The following HIVEP3 variants were observed in gnomAD, a reference collection of about 807,000 sequenced individuals.
HIVEP3 encodes the protein transcription factor HIVEP3.
Under a neutral mutation model 152.8 loss-of-function variants are expected in HIVEP3, and 49 were observed. The observed-to-expected ratio is 0.32, with a 90% CI of 0.26 to 0.41. The LOEUF (loss-of-function observed/expected upper bound fraction) is 0.41. Among genes scored for constraint, HIVEP3 ranks in the 10% least tolerant of loss-of-function variants. The probability of loss-of-function intolerance (pLI) is 1.00; values close to 1 mark genes in which losing one functional copy is unlikely to be tolerated. For synonymous variants in HIVEP3, 1,269 were observed against 1,289.0 expected, an observed-to-expected ratio of 0.98 and a Z score of 0.33; for missense variants, 2,790 against 3,103.3, an observed-to-expected ratio of 0.90 and a Z score of 2.40.
chr1:41,591,858 ACT>A (rs1339985861), intron 3 of HIVEP3, among the ~76,000 whole-genome samples: 1 of 152,082 alleles, frequency 6.6e-6, no homozygotes, highest in Admixed American at 6.5e-5. Context: ...TCTGGGAGAC[ACT>A]GACTCCCAGA....
At chr1:41,722,530 C>T (rs1286293880) in intron 1 of HIVEP3, among the ~76,000 whole-genome samples, 1 of 131,990 alleles carries the variant, frequency 7.6e-6, no homozygotes, top group Non-Finnish European at 1.6e-5. Context: ...CCTCCCTTCT[C>T]TCCCTCCCTC....
intron 2 of HIVEP3, among the ~76,000 whole-genome samples, chr1:41,683,201 CAAG>C (rs1478611524): frequency 6.6e-6 from 1 of 152,222 alleles, no homozygotes; most frequent in Admixed American, 6.5e-5. Flanking sequence ...AAGGCCACAT[CAAG>C]AAGGACTTGA....
At chr1:41,861,921 C>A (rs562464358) in intron 1 of HIVEP3, among the ~76,000 whole-genome samples, 2 of 151,682 alleles carry the variant, frequency 1.3e-5, no homozygotes, top group African/African-American at 4.9e-5. Flanking sequence ...GTGTTGGCAA[C>A]GGGAGAGAAA....
At chr1:41,707,988 G>A (rs561599862) in intron 1 of HIVEP3, among the ~76,000 whole-genome samples, 21 of 152,196 alleles carry the variant, frequency 1.4e-4, no homozygotes, top group Non-Finnish European at 2.5e-4. Context: ...GGGATGTTCC[G>A]GGGCTGACAC....
At chr1:41,563,751 C>G (rs1484644660) in intron 5 of HIVEP3, among the ~76,000 whole-genome samples, 1 of 151,888 alleles carries the variant, frequency 6.6e-6, no homozygotes, top group Non-Finnish European at 1.5e-5. Context: ...ACAGAAACCA[C>G]GCAGGAAAAA....
chr1:42,035,682 C>T (rs1645638873), intron 1 of HIVEP3: 2 of 151,924 alleles, frequency 1.3e-5, no homozygotes, highest in South Asian at 4.1e-4. Flanking sequence ...TCGTCCCGCC[C>T]CCCGGGACCG....
At chr1:41,967,718 G>C (rs892019953) in intron 1 of HIVEP3, among the ~76,000 whole-genome samples, 5 of 152,038 alleles carry the variant, frequency 3.3e-5, no homozygotes, top group African/African-American at 9.7e-5. Flanking sequence ...GAAGGAGATA[G>C]AGACACACAA....
chr1:41,739,088 A>G (rs1269126290), intron 1 of HIVEP3, among the ~76,000 whole-genome samples: 1 of 152,230 alleles, frequency 6.6e-6, no homozygotes, highest in East Asian at 1.9e-4. Context: ...AATGTCTGAA[A>G]ATAGAACGTG....
At chr1:41,632,066 G>A in intron 2 of HIVEP3, among the ~76,000 whole-genome samples, 1 of 152,074 alleles carries the variant, frequency 6.6e-6, no homozygotes, top group Non-Finnish European at 1.5e-5. Context: ...AATACCCCAA[G>A]CACATTTGCT....
At chr1:41,985,899 G>A (rs574377431) in intron 1 of HIVEP3, among the ~76,000 whole-genome samples, 1 of 152,202 alleles carries the variant, frequency 6.6e-6, no homozygotes, top group Non-Finnish European at 1.5e-5. Flanking sequence ...TTCAGTGCAA[G>A]GCTAAACATT....
intron 1 of HIVEP3, among the ~76,000 whole-genome samples, chr1:41,826,788 A>G (rs1353814003): frequency 6.6e-6 from 1 of 152,210 alleles, no homozygotes; most frequent in Non-Finnish European, 1.5e-5. Flanking sequence ...TGCTTTAATA[A>G]AATCAGGGAG....
At chr1:41,722,061 G>T (rs1367761663) in intron 1 of HIVEP3, among the ~76,000 whole-genome samples, 10 of 152,178 alleles carry the variant, frequency 6.6e-5, no homozygotes. Context: ...AGGGCCTCTG[G>T]CCAAGCAGGC....
chr1:41,911,518 T>C (rs189705778), intron 1 of HIVEP3, among the ~76,000 whole-genome samples: 4 of 152,332 alleles, frequency 2.6e-5, no homozygotes, highest in Non-Finnish European at 5.9e-5. Flanking sequence ...GCCCATAGTC[T>C]GTGGCCAGTA....
intron 2 of HIVEP3, among the ~76,000 whole-genome samples, chr1:41,675,641 G>A (rs888762511): frequency 6.6e-6 from 1 of 152,126 alleles, no homozygotes; most frequent in African/African-American, 2.4e-5. Context: ...CTGAGCCCTG[G>A]GATCAGAGAA....
At chr1:41,890,677 G>A (rs1644432543) in intron 1 of HIVEP3, among the ~76,000 whole-genome samples, 1 of 152,222 alleles carries the variant, frequency 6.6e-6, no homozygotes, top group South Asian at 2.1e-4. Flanking sequence ...TGGTGGAGCT[G>A]GGATTCAAGC....
intron 1 of HIVEP3, among the ~76,000 whole-genome samples, chr1:41,835,230 G>A (rs886240243): frequency 6.6e-6 from 1 of 152,304 alleles, no homozygotes; most frequent in South Asian, 2.1e-4. Flanking sequence ...CAGACTAGGT[G>A]GCTTAAACAA....
intron 1 of HIVEP3, among the ~76,000 whole-genome samples, chr1:41,778,968 T>C (rs1648876892): frequency 6.6e-6 from 1 of 152,132 alleles, no homozygotes; most frequent in Admixed American, 6.5e-5. Context: ...AGCATATGCA[T>C]ATGGCCTGGA....
chr1:41,655,872 A>G (rs184246981), intron 2 of HIVEP3, among the ~76,000 whole-genome samples: 100 of 152,244 alleles, frequency 6.6e-4, no homozygotes, highest in African/African-American at 2.4e-3. Flanking sequence ...CTGCTAAATG[A>G]ATGACTATAT....
rs1209978761 is a variant in HIVEP3, at chr1:41,579,717, A to C, written c.5061+20T>G. Reference sequence around the variant, plus strand: ...GCTTTTGCAAATCAGTGATGAGAAGAAAAACAAGGCTGAACTTACCTCTGT... The same window carrying C: ...GCTTTTGCAAATCAGTGATGAGAAGCAAAACAAGGCTGAACTTACCTCTGT... On this transcript the variant is annotated intron_variant, in intron 4 of 8. Coordinates refer to ENST00000372583, the MANE Select transcript of HIVEP3 (RefSeq NM_024503.5). 1 of 1,529,910 alleles carries C rather than the reference A, an allele frequency of 6.5e-7. No homozygotes were observed. Among genetic ancestry groups the C allele is most frequent in the Non-Finnish European group, 8.8e-7 (1 of 1,138,112 alleles). 94.8% of individuals were successfully genotyped at this position (1,529,910 alleles called of 1,614,324 possible). A position where few individuals can be genotyped will look rare whatever the true frequency, so the allele number is the denominator to read the frequency against.
Sources: gnomAD v4.1 joint callset for allele counts (sites outside exome capture counted in the v4.1 genomes callset) on GRCh38, gnomAD v4.1.1 for gene constraint, MANE v1.5 for transcripts, NCBI Gene and HGNC (gene_info 2026-07-23, HGNC 2026-07-21) for gene names.